ADGB: variants seen among roughly 807,000 people sequenced by gnomAD.
ADGB encodes calpain-7-like protein.
Under a neutral mutation model 210.5 loss-of-function variants are expected in ADGB, and 172 were observed. That is an observed-to-expected ratio of 0.82 (90% CI 0.72 to 0.93). The LOEUF is 0.93. ADGB is among the 40% of genes least tolerant of loss of function. The pLI is 0.00. For synonymous variants in ADGB, 658 were observed against 662.7 expected (o/e 0.99, Z 0.11); for missense variants, 2,025 against 1,964.8 (o/e 1.03, Z -0.58).
chr6:146,625,816 G>T (rs1353610310), intron 1 of ADGB, among the ~76,000 whole-genome samples: 2 of 151,872 alleles, frequency 1.3e-5, no homozygotes, highest in African/African-American at 2.4e-5. Context: ...AGTGTGTGTT[G>T]CTAGCAATGC....
intron 26 of ADGB, among the ~76,000 whole-genome samples, chr6:146,748,012 G>A (rs1003773398): frequency 3.3e-5 from 5 of 151,760 alleles, no homozygotes; most frequent in African/African-American, 1.2e-4. Flanking sequence ...CAAACTCCTG[G>A]CCTCAAGTGA....
chr6:146,633,098 G>A (rs1442436974), intron 1 of ADGB, among the ~76,000 whole-genome samples: 2 of 152,156 alleles, frequency 1.3e-5, no homozygotes, highest in South Asian at 2.1e-4. Context: ...GGCATCTAAA[G>A]CACAATCTTA....
At chr6:146,691,443 A>ATAT (rs1562275550) in intron 11 of ADGB, among the ~76,000 whole-genome samples, 153 bp downstream of exon 11, 2 of 21,258 alleles carry the variant, frequency 9.4e-5, no homozygotes, top group African/African-American at 7.5e-4. Flanking sequence ...TATATATATA[A>ATAT]AAATATATAT....
At chr6:146,612,355 G>C (rs1435832582) in intron 1 of ADGB, among the ~76,000 whole-genome samples, 1 of 152,142 alleles carries the variant, frequency 6.6e-6, no homozygotes, top group East Asian at 1.9e-4. Context: ...CTCCAAATTA[G>C]ATCAGTCTAA....
chr6:146,730,827 T>G (rs1776971788), intron 20 of ADGB, among the ~76,000 whole-genome samples: 1 of 152,072 alleles, frequency 6.6e-6, no homozygotes, highest in Non-Finnish European at 1.5e-5. Context: ...TAATCCCAGC[T>G]ACTTGGGAGG....
At chr6:146,758,404 A>C (rs1479787511) in intron 27 of ADGB, among the ~76,000 whole-genome samples, 3 of 151,958 alleles carry the variant, frequency 2.0e-5, no homozygotes, top group Admixed American at 6.6e-5. Flanking sequence ...AATTACCACC[A>C]CCAATTTTCT....
At chr6:146,729,010 T>A (rs1336646131) in intron 20 of ADGB, among the ~76,000 whole-genome samples, 3 of 152,204 alleles carry the variant, frequency 2.0e-5, no homozygotes, top group Non-Finnish European at 2.9e-5. Context: ...ATGTGGGACA[T>A]CCCTTTAAAA....
intron 11 of ADGB, among the ~76,000 whole-genome samples, chr6:146,692,087 G>A (rs1358902504): frequency 6.6e-6 from 1 of 152,052 alleles, no homozygotes; most frequent in Non-Finnish European, 1.5e-5. Context: ...TATTCATTCA[G>A]GGCATTGAGG....
intron 19 of ADGB, 149 bp from the exon 20 acceptor site, chr6:146,728,425 A>AT (rs1776929320): frequency 3.5e-6 from 3 of 849,418 alleles, no homozygotes; most frequent in Non-Finnish European, 1.7e-6. Context: ...AGACTACAGA[A>AT]TTTAGTAAAG....
At chr6:146,742,925 G>A (rs1018541991) in intron 25 of ADGB, among the ~76,000 whole-genome samples, 2 of 151,936 alleles carry the variant, frequency 1.3e-5, no homozygotes, top group African/African-American at 4.8e-5. Context: ...TAGTGTTAGT[G>A]CATTTTATGC....
intron 13 of ADGB, among the ~76,000 whole-genome samples, chr6:146,705,442 C>A (rs959814558): frequency 2.0e-4 from 31 of 152,154 alleles, no homozygotes; most frequent in Admixed American, 1.0e-3. Context: ...TGTTGAAGTA[C>A]ATTCTTTATA....
At chr6:146,736,777 T>TA (rs1777085602) in intron 23 of ADGB, among the ~76,000 whole-genome samples, 186 bp downstream of exon 23, 1 of 152,186 alleles carries the variant, frequency 6.6e-6, no homozygotes, top group South Asian at 2.1e-4. Context: ...GTTTATGTTT[T>TA]AATTGCACAT....
intron 28 of ADGB, among the ~76,000 whole-genome samples, chr6:146,765,099 T>C (rs1247264532): frequency 6.6e-6 from 1 of 151,992 alleles, no homozygotes; most frequent in Admixed American, 6.6e-5. Context: ...GTGCCTGGCC[T>C]GATGATAGTT....
intron 26 of ADGB, among the ~76,000 whole-genome samples, chr6:146,750,339 C>T (rs1237041409): frequency 6.6e-6 from 1 of 152,046 alleles, no homozygotes; most frequent in Non-Finnish European, 1.5e-5. Context: ...AGGAGGATTG[C>T]TTGAGCCCAG....
chr6:146,752,689 G>T lies in ADGB; in HGVS notation c.3525G>T (p.Lys1175Asn). Residue 1175 changes from lysine (K) to asparagine (N), a missense_variant, in exon 27 of 36, where the codon AAG becomes AAT. Coordinates refer to ENST00000397944, the MANE Select transcript of ADGB (RefSeq NM_024694.4). ...QAIIPAFHFL[K>N]SEKGLSSQSS... ...TAATCCCAGCATTTCACTTCTTGAA[G>T]AGTGAGAAAGGTTTGAGCTCCCAGT... is the stretch of plus-strand genomic sequence containing the variant. The T allele has an allele frequency of 6.5e-7, 1 of 1,550,362 alleles. No homozygotes were observed. Among genetic ancestry groups the T allele is most frequent in the Non-Finnish European group, 8.7e-7 (1 of 1,146,200 alleles).
intron 1 of ADGB, among the ~76,000 whole-genome samples, chr6:146,622,004 G>A (rs1583562705): frequency 6.6e-6 from 1 of 152,206 alleles, no homozygotes; most frequent in East Asian, 1.9e-4. Flanking sequence ...ATGGCCACCA[G>A]CACTATATGA....
At chr6:146,756,712 A>G (rs531251923) in intron 27 of ADGB, among the ~76,000 whole-genome samples, 1 of 151,712 alleles carries the variant, frequency 6.6e-6, no homozygotes, top group South Asian at 2.1e-4. Context: ...CCCACTCGAC[A>G]TCAACATGTT....
chr6:146,745,970 G>A lies in ADGB; in HGVS notation c.3226G>A (p.Ala1076Thr). ...AEAFTGDTYV[A>T]ASRWKLRLIG... ...AGCATTTACAGGCGACACATATGTA[G>A]CAGCCTCACGATGGAAACTGCGTCT... is the stretch of plus-strand genomic sequence containing the variant. Residue 1076 changes from alanine to threonine, a missense_variant, in exon 26 of 36, where the codon GCA becomes ACA. Ala to Thr is a moderately conservative substitution (Grantham distance 58). Transcript: ENST00000397944. 1 of 1,551,052 alleles carries A rather than the reference G, an allele frequency of 6.4e-7. No homozygotes were observed. The highest frequency in any genetic ancestry group is 8.7e-7 in the Non-Finnish European group (1 of 1,146,708).
chr6:146,745,822 G>A (rs1234736324), intron 25 of ADGB, 100 bp from the exon 26 acceptor site: 1 of 864,546 alleles, frequency 1.2e-6, no homozygotes, highest in African/African-American at 1.7e-5. Flanking sequence ...GGACCTGTAG[G>A]TATATCATAA....
Sources: allele counts gnomAD v4.1 joint callset (sites outside exome capture counted in the v4.1 genomes callset), GRCh38; gene constraint gnomAD v4.1.1; transcripts MANE v1.5; gene names NCBI Gene and HGNC (gene_info 2026-07-23, HGNC 2026-07-21).